The following NRG1 variants were observed in gnomAD, a reference collection of about 807,000 sequenced individuals.
The protein encoded by NRG1 is neuregulin 1, also known as pro-neuregulin-1, membrane-bound isoform.
NRG1 carries 18 observed loss-of-function variants against 63.8 expected under a neutral mutation model. The ratio of observed to expected loss-of-function variants is 0.28; its 90% CI spans 0.19 to 0.42. The LOEUF is 0.42. NRG1 is among the 10% of genes least tolerant of loss of function. The pLI is 1.00. For synonymous variants in NRG1, 302 were observed against 301.3 expected, an observed-to-expected ratio of 1.00 and a Z score of -0.02; for missense variants, 762 against 814.7, an observed-to-expected ratio of 0.94 and a Z score of 0.79.
chr8:32,431,715 G>C (rs1488431973), intron 1 of NRG1, among the ~76,000 whole-genome samples: 2 of 151,246 alleles, frequency 1.3e-5, no homozygotes, highest in Non-Finnish European at 2.9e-5. Flanking sequence ...GTTGTGTATT[G>C]ATAGTCTCTG....
chr8:32,752,315 A>G (rs1828892000), intron 7 of NRG1, among the ~76,000 whole-genome samples: 1 of 152,140 alleles, frequency 6.6e-6, no homozygotes, highest in Admixed American at 6.5e-5. Flanking sequence ...CCCCATAGAA[A>G]TTAATTCCCT....
At position 32,078,320 on chromosome 8, in the gene NRG1, A is replaced by G. The variant is rs563272560; in HGVS notation, c.37+438889A>G. On this transcript the variant is annotated intron_variant, in intron 1 of 10. Transcript: ENST00000519301. Reference sequence around the variant, plus strand: ...TGTGCTCTCACCATGTGACATGTCTATTCCTCCTTCACCTTCCAGCATGAT... The same window carrying G: ...TGTGCTCTCACCATGTGACATGTCTGTTCCTCCTTCACCTTCCAGCATGAT... Among the ~76,000 whole-genome samples, 19 of 152,234 alleles carry G rather than the reference A, an allele frequency of 1.2e-4. No individual in the cohort carries two copies. In the South Asian group the frequency reaches 2.9e-3, roughly 23 times the overall value.
rs576496205 is a variant in NRG1 at position 32,389,716 on chromosome 8, C to T, written c.38-206112C>T. ...GATATTGCTTCCAATGTTGTACAGA[C>T]AATTCTTACAAGGTCCTGCAGCTTT... On this transcript the variant is annotated intron_variant, in intron 1 of 10. Transcript: ENST00000519301. Among the ~76,000 whole-genome samples, 146 of 151,730 alleles carry T rather than the reference C, an allele frequency of 9.6e-4. 2 individuals carry two copies. Among genetic ancestry groups the T allele is most frequent in the Admixed American group, 2.6e-3 (39 of 15,214 alleles).
intron 1 of NRG1, among the ~76,000 whole-genome samples, chr8:32,049,163 G>T (rs1322422633): frequency 6.6e-6 from 1 of 152,096 alleles, no homozygotes; most frequent in African/African-American, 2.4e-5. Flanking sequence ...GCTCAGCTTT[G>T]ATGCTATAAA....
At chr8:32,754,058 G>A (rs920262960) in intron 7 of NRG1, among the ~76,000 whole-genome samples, 4 of 151,888 alleles carry the variant, frequency 2.6e-5, no homozygotes, top group South Asian at 2.1e-4. Context: ...TAACCAAATA[G>A]TTATTTTATA....
chr8:31,711,058 AATG>A (rs1388648344), intron 1 of NRG1, among the ~76,000 whole-genome samples: 3 of 152,094 alleles, frequency 2.0e-5, no homozygotes, highest in Non-Finnish European at 4.4e-5. Context: ...GATCTGCTTT[AATG>A]ATATTACTTG....
At chr8:32,318,725 T>A (rs900912754) in intron 1 of NRG1, among the ~76,000 whole-genome samples, 26 of 152,220 alleles carry the variant, frequency 1.7e-4, no homozygotes, top group African/African-American at 6.3e-4. Context: ...ATTTGTTGAT[T>A]TACTCAAAGA....
intron 1 of NRG1, among the ~76,000 whole-genome samples, chr8:32,326,960 C>T (rs372460381): frequency 7.9e-5 from 12 of 152,138 alleles, no homozygotes; most frequent in African/African-American, 2.9e-4. Context: ...AACATGGGCT[C>T]AGATTTTTGC....
At chr8:32,099,096 G>A (rs922779510) in intron 1 of NRG1, among the ~76,000 whole-genome samples, 12 of 152,200 alleles carry the variant, frequency 7.9e-5, no homozygotes, top group African/African-American at 2.4e-4. Flanking sequence ...GGTGCAATGG[G>A]CAAATCAGCA....
chr8:32,707,032 T>G (rs1816602445), intron 5 of NRG1, among the ~76,000 whole-genome samples: 1 of 152,090 alleles, frequency 6.6e-6, no homozygotes, highest in African/African-American at 2.4e-5. Flanking sequence ...CATCTGAATA[T>G]TCTAAAAAAT....
At chr8:32,111,386 G>T (rs1225944562) in intron 1 of NRG1, among the ~76,000 whole-genome samples, 1 of 152,076 alleles carries the variant, frequency 6.6e-6, no homozygotes, top group East Asian at 1.9e-4. Context: ...CAAAGTGCTG[G>T]GATTACAGGC....
intron 1 of NRG1, among the ~76,000 whole-genome samples, chr8:32,245,912 C>T (rs1197429826): frequency 6.6e-6 from 1 of 152,046 alleles, no homozygotes; most frequent in African/African-American, 2.4e-5. Context: ...TTAGAGGTCC[C>T]AAAAATATCT....
In NRG1 at chr8:32,651,200, T is replaced by C. The variant is rs183532405; in HGVS notation, c.502+34315T>C. Among the ~76,000 whole-genome samples, 9 of 152,332 alleles carry C rather than the reference T, an allele frequency of 5.9e-5. No homozygotes were observed. The East Asian group carries it at 1.7e-3, about 29-fold the overall frequency. The stretch of plus-strand genomic sequence containing the variant: ...TGTCGAATTTTCTAAAATGGGTATT[T>C]CTTTCATAAAGTAATATTTCATATT... On this transcript the variant is annotated intron_variant, in intron 5 of 11. Coordinates refer to ENST00000356819, the Ensembl canonical transcript of NRG1.
chr8:31,796,304 T>G (rs779694655), intron 1 of NRG1, among the ~76,000 whole-genome samples: 3 of 151,622 alleles, frequency 2.0e-5, no homozygotes, highest in Non-Finnish European at 4.4e-5. Context: ...TGTATTCAGG[T>G]AGGATATCTA....
At chr8:32,091,032 A>C (rs961477886) in intron 1 of NRG1, among the ~76,000 whole-genome samples, 1 of 152,120 alleles carries the variant, frequency 6.6e-6, no homozygotes, top group African/African-American at 2.4e-5. Context: ...GTAATCCCAG[A>C]ACTCTGGGAG....
chr8:32,486,082 C>A (rs946652488), intron 1 of NRG1, among the ~76,000 whole-genome samples: 8 of 152,020 alleles, frequency 5.3e-5, no homozygotes, highest in Admixed American at 4.6e-4. Flanking sequence ...CGCTCCCCCC[C>A]TCCCCATGCC....
intron 2 of NRG1, 53 bp downstream of exon 2, chr8:32,596,058 A>C: frequency 1.5e-6 from 2 of 1,357,276 alleles, no homozygotes; most frequent in Non-Finnish European, 2.0e-6. Context: ...AAGATAACAT[A>C]TAAATGTTAT....
intron 1 of NRG1, among the ~76,000 whole-genome samples, chr8:32,359,415 C>T (rs1364905639): frequency 6.6e-6 from 1 of 152,034 alleles, no homozygotes; most frequent in Non-Finnish European, 1.5e-5. Flanking sequence ...ACTAATCTTG[C>T]CCCATCATAG....
intron 1 of NRG1, among the ~76,000 whole-genome samples, chr8:32,525,820 TTTC>T (rs1351208368): frequency 2.0e-5 from 3 of 152,142 alleles, no homozygotes; most frequent in Non-Finnish European, 4.4e-5. Flanking sequence ...TCTTGTTGAT[TTTC>T]TTCTTTATAG....
Sources: gnomAD v4.1 joint callset for allele counts (sites outside exome capture counted in the v4.1 genomes callset) on GRCh38, gnomAD v4.1.1 for gene constraint, MANE v1.5 for transcripts, NCBI Gene and HGNC (gene_info 2026-07-23, HGNC 2026-07-21) for gene names.